The following ZFPM2 variants were observed in gnomAD, a reference collection of about 807,000 sequenced individuals.
ZFPM2 encodes zinc finger protein ZFPM2.
ZFPM2 carries 20 observed loss-of-function variants against 98.6 expected under a neutral mutation model. The observed-to-expected ratio is 0.20, with a 90% CI of 0.14 to 0.29. The LOEUF is 0.29. ZFPM2 is among the 10% of genes least tolerant of loss of function. ZFPM2 has a pLI of 1.00. For synonymous variants in ZFPM2, 518 were observed against 502.7 expected, an observed-to-expected ratio of 1.03 and a Z score of -0.41; for missense variants, 1,310 against 1,388.6, an observed-to-expected ratio of 0.94 and a Z score of 0.90.
In ZFPM2 at chr8:105,395,217, A is replaced by G. The variant is rs138833088; in HGVS notation, c.41-23927A>G. Among the ~76,000 whole-genome samples the G allele has an allele frequency of 2.1e-4, 32 of 152,228 alleles. No individual in the cohort carries two copies. The East Asian group carries it at 6.2e-3, about 29-fold the overall frequency. ...GTTCATTATGTTTATGCTGCCTCCA[A>G]TTTTGCACTTTCTCTCAGTATTTCC... On this transcript the variant is annotated intron_variant, in intron 1 of 7. Coordinates refer to ENST00000407775, the MANE Select transcript of ZFPM2 (RefSeq NM_012082.4).
chr8:105,749,418 G>T (rs1404132924), intron 5 of ZFPM2, among the ~76,000 whole-genome samples: 2 of 151,948 alleles, frequency 1.3e-5, no homozygotes, highest in Non-Finnish European at 2.9e-5. Flanking sequence ...ATATATTTGG[G>T]GGCAAAAGGA....
intron 3 of ZFPM2, among the ~76,000 whole-genome samples, chr8:105,467,748 C>T (rs1812820731): frequency 1.3e-5 from 2 of 152,044 alleles, no homozygotes; most frequent in African/African-American, 4.8e-5. Context: ...CATACACACA[C>T]ACATGTATAT....
chr8:105,487,002 A>G (rs1813241870), intron 3 of ZFPM2, among the ~76,000 whole-genome samples: 1 of 152,174 alleles, frequency 6.6e-6, no homozygotes, highest in Non-Finnish European at 1.5e-5. Context: ...AAGTCTGATG[A>G]AGTACTCACA....
intron 4 of ZFPM2, among the ~76,000 whole-genome samples, chr8:105,587,329 G>A (rs932534695): frequency 3.4e-5 from 5 of 144,936 alleles, no homozygotes; most frequent in African/African-American, 1.3e-4. Flanking sequence ...AGAGATGAAT[G>A]ATACCTATAC....
chr8:105,587,920 A>G (rs1815757995), intron 4 of ZFPM2, among the ~76,000 whole-genome samples: 1 of 152,130 alleles, frequency 6.6e-6, no homozygotes, highest in Non-Finnish European at 1.5e-5. Flanking sequence ...TTGGGGAGCA[A>G]AATTGCCCCT....
rs762254083 is a variant in ZFPM2 at position 105,373,790 on chromosome 8, G to A, written c.41-45354G>A. Among the ~76,000 whole-genome samples, 56 of 152,036 alleles carry A rather than the reference G, an allele frequency of 3.7e-4. 1 individual carries two copies. The highest frequency in any genetic ancestry group is 3.3e-4 in the Admixed American group (5 of 15,264). On this transcript the variant is annotated intron_variant, in intron 1 of 7. Coordinates refer to ENST00000407775, the MANE Select transcript of ZFPM2 (RefSeq NM_012082.4). ...CATTAAACTCAAGGAAATGATAAAG[G>A]AAAACGCTGTCCCTCTGTCAGATAG...
intron 1 of ZFPM2, among the ~76,000 whole-genome samples, chr8:105,375,636 T>A (rs1198664319): frequency 2.6e-5 from 4 of 152,194 alleles, no homozygotes; most frequent in Non-Finnish European, 4.4e-5. Flanking sequence ...GATAGGAGTC[T>A]GTAAAGAGGC....
chr8:105,710,663 T>TTGTGTGTGTGTGTG (rs34170034), intron 5 of ZFPM2, among the ~76,000 whole-genome samples: 1 of 143,812 alleles, frequency 7.0e-6, no homozygotes, highest in Non-Finnish European at 1.5e-5. Flanking sequence ...ATGCACAAAA[T>TTGTGTGTGTGTGTG]TGTGTGTGTG....
chr8:105,790,841 A>T (rs1813587256), intron 6 of ZFPM2, among the ~76,000 whole-genome samples: 1 of 152,120 alleles, frequency 6.6e-6, no homozygotes, highest in Admixed American at 6.6e-5. Flanking sequence ...TAAGTATTTT[A>T]TTCTCTTTGA....
At chr8:105,442,899 G>GT (rs145127235) in intron 2 of ZFPM2, among the ~76,000 whole-genome samples, 45,294 of 149,006 alleles carry the variant, frequency 0.3, 7,686 homozygotes, top group African/African-American at 0.47. Context: ...GAAGTTCAGT[G>GT]TTTTTTTTTT....
At chr8:105,718,317 T>C (rs916990033) in intron 5 of ZFPM2, among the ~76,000 whole-genome samples, 2 of 151,904 alleles carry the variant, frequency 1.3e-5, no homozygotes, top group African/African-American at 4.8e-5. Flanking sequence ...CTTGGTTAGT[T>C]GATGCCAGTT....
chr8:105,679,701 G>GT (rs1310810621), intron 5 of ZFPM2, among the ~76,000 whole-genome samples: 4 of 151,802 alleles, frequency 2.6e-5, no homozygotes, highest in African/African-American at 9.7e-5. Flanking sequence ...GGAGGCTGAG[G>GT]TGTGGGGATC....
At chr8:105,666,970 A>T (rs1266831600) in intron 5 of ZFPM2, among the ~76,000 whole-genome samples, 1 of 152,206 alleles carries the variant, frequency 6.6e-6, no homozygotes, top group African/African-American at 2.4e-5. Context: ...TTAAAGCACT[A>T]TGGTCATCTC....
intron 3 of ZFPM2, among the ~76,000 whole-genome samples, chr8:105,552,812 CTT>C (rs781365155): frequency 6.4e-4 from 72 of 112,378 alleles, no homozygotes; most frequent in Admixed American, 7.2e-4. Context: ...TTCAGATGTT[CTT>C]TTTTTTTTTT....
intron 5 of ZFPM2, among the ~76,000 whole-genome samples, chr8:105,677,043 A>G (rs1301387045): frequency 2.0e-5 from 3 of 152,164 alleles, no homozygotes; most frequent in Non-Finnish European, 4.4e-5. Flanking sequence ...GGTATATTAG[A>G]TATTTCACAT....
chr8:105,482,213 T>C (rs1406220577), intron 3 of ZFPM2, among the ~76,000 whole-genome samples: 3 of 152,210 alleles, frequency 2.0e-5, no homozygotes, highest in African/African-American at 7.2e-5. Context: ...TATTTCCTAG[T>C]GAATTATTAA....
chr8:105,625,974 A>C (rs1392983993), intron 4 of ZFPM2, among the ~76,000 whole-genome samples: 2 of 151,592 alleles, frequency 1.3e-5, no homozygotes, highest in Non-Finnish European at 2.9e-5. Context: ...TTTTCTGGAA[A>C]AAAAAAAAAG....
intron 5 of ZFPM2, among the ~76,000 whole-genome samples, chr8:105,671,652 G>GT (rs560990213): frequency 1.5e-4 from 22 of 150,840 alleles, no homozygotes; most frequent in South Asian, 1.0e-3. Flanking sequence ...TAAATAGGTG[G>GT]TTTTTTTTTA....
intron 3 of ZFPM2, among the ~76,000 whole-genome samples, chr8:105,537,631 A>G (rs934412316): frequency 6.6e-5 from 10 of 152,306 alleles, no homozygotes; most frequent in African/African-American, 1.2e-4. Flanking sequence ...GCACTGAGCT[A>G]TGATCACATC....
Sources: gnomAD v4.1 joint callset for allele counts (sites outside exome capture counted in the v4.1 genomes callset) on GRCh38, gnomAD v4.1.1 for gene constraint, MANE v1.5 for transcripts, NCBI Gene and HGNC (gene_info 2026-07-23, HGNC 2026-07-21) for gene names.